Variants in DLGAP1 observed in about 807,000 individuals in gnomAD.
DLGAP1 encodes the protein disks large-associated protein 1.
DLGAP1 carries 11 observed loss-of-function variants against 90.8 expected under a neutral mutation model. The ratio of observed to expected loss-of-function variants is 0.12; its 90% CI spans 0.08 to 0.20. The LOEUF (loss-of-function observed/expected upper bound fraction) is 0.20, where lower values mean the gene tolerates loss of function less well. Ranked by LOEUF, DLGAP1 falls within the 10% of genes least tolerant of loss-of-function variation. DLGAP1 has a pLI of 1.00. For synonymous variants in DLGAP1, 558 were observed against 540.7 expected (o/e 1.03, Z -0.44); for missense variants, 1,050 against 1,333.8 (o/e 0.79, Z 3.31).
intron 3 of DLGAP1, among the ~76,000 whole-genome samples, chr18:3,881,957 A>AT (rs2071183786): frequency 6.6e-6 from 1 of 152,192 alleles, no homozygotes; most frequent in Admixed American, 6.5e-5. Context: ...ATAGAAGCCA[A>AT]TGGCACCTCG....
At chr18:4,373,013 A>G (rs1433370716) in intron 1 of DLGAP1, among the ~76,000 whole-genome samples, 1 of 152,194 alleles carries the variant, frequency 6.6e-6, no homozygotes, top group Non-Finnish European at 1.5e-5. Context: ...ATAACTGTGT[A>G]CAGCTGAGGC....
rs1568109395 is a variant in DLGAP1 at position 3,772,384 on chromosome 18, CTTTCTT to C, written c.1173-29878_1173-29873del. 1.4e-3 allele frequency among the ~76,000 whole-genome samples: 29 copies of C among 20,416 alleles called. 3 individuals carry two copies. The highest frequency in any genetic ancestry group is 3.0e-3 in the Admixed American group (4 of 1,344). The allele number at this position is 20,416 out of a possible 152,430, so 13.4% of individuals were successfully genotyped here. Reference sequence around the variant, plus strand: ...TCTTTCTTTCTTTCTTTCTTTCTTTCTTTCTTTCTTTCTTTCTTTCTTTCTCTTTCT... The same window carrying C: ...TCTTTCTTTCTTTCTTTCTTTCTTTCTCTTTCTTTCTTTCTTTCTCTTTCT... On this transcript the variant is annotated intron_variant, in intron 5 of 12. Coordinates refer to ENST00000315677, the MANE Select transcript of DLGAP1 (RefSeq NM_004746.4).
At chr18:3,541,201 A>C (rs1328960339) in intron 9 of DLGAP1, among the ~76,000 whole-genome samples, 1 of 152,136 alleles carries the variant, frequency 6.6e-6, no homozygotes, top group Admixed American at 6.6e-5. Flanking sequence ...TCTGCACACT[A>C]AGTTATTTTG....
intron 2 of DLGAP1, among the ~76,000 whole-genome samples, chr18:4,089,902 A>G (rs971440719): frequency 1.9e-4 from 29 of 152,278 alleles, no homozygotes; most frequent in East Asian, 9.7e-4. Flanking sequence ...AAAATTAGCC[A>G]GGTGCGGTGG....
At chr18:4,449,181 G>A (rs1359149248) in intron 1 of DLGAP1, among the ~76,000 whole-genome samples, 1 of 152,200 alleles carries the variant, frequency 6.6e-6, no homozygotes, top group Non-Finnish European at 1.5e-5. Context: ...GCCTTAAAGG[G>A]TCAGAATAAA....
chr18:4,303,209 A>C (rs2080168838), intron 1 of DLGAP1, among the ~76,000 whole-genome samples: 1 of 152,232 alleles, frequency 6.6e-6, no homozygotes, highest in Non-Finnish European at 1.5e-5. Flanking sequence ...GCTCTGGAAA[A>C]GAATGTGTGG....
intron 5 of DLGAP1, among the ~76,000 whole-genome samples, chr18:3,760,209 A>G (rs192720926): frequency 1.2e-3 from 187 of 152,230 alleles, no homozygotes; most frequent in Non-Finnish European, 2.3e-3. Context: ...AGCCTGGCCA[A>G]GACATTGTGA....
intron 1 of DLGAP1, among the ~76,000 whole-genome samples, chr18:4,225,080 G>A (rs147955606): frequency 3.2e-4 from 48 of 152,172 alleles, no homozygotes; most frequent in Non-Finnish European, 4.0e-4. Context: ...GCTCTGCCTG[G>A]TAATCCAGAA....
chr18:4,130,717 C>A (rs745808210), intron 2 of DLGAP1, among the ~76,000 whole-genome samples: 1 of 151,998 alleles, frequency 6.6e-6, no homozygotes, highest in Non-Finnish European at 1.5e-5. Flanking sequence ...CGGCACATTG[C>A]GACTAATGTC....
At chr18:3,822,104 C>CAA (rs2067454137) in intron 4 of DLGAP1, 1 of 612,138 alleles carries the variant, frequency 1.6e-6, no homozygotes, top group African/African-American at 2.0e-5. Context: ...TGTTGCTTCC[C>CAA]AATCAGGAGA....
intron 2 of DLGAP1, among the ~76,000 whole-genome samples, chr18:4,123,139 T>C (rs1432828592): frequency 6.6e-6 from 1 of 152,118 alleles, no homozygotes; most frequent in East Asian, 1.9e-4. Flanking sequence ...TTCTCCCTCA[T>C]GGGCATCAAC....
At chr18:3,587,130 C>T (rs2145480095) in intron 7 of DLGAP1, among the ~76,000 whole-genome samples, 1 of 152,316 alleles carries the variant, frequency 6.6e-6, no homozygotes, top group Non-Finnish European at 1.5e-5. Context: ...TCTCGGCTCA[C>T]TGCAACCTCT....
chr18:4,117,691 C>G (rs60252272), intron 2 of DLGAP1, among the ~76,000 whole-genome samples: 16,198 of 152,158 alleles, frequency 0.11, 2,768 homozygotes, highest in African/African-American at 0.36. Context: ...CATTTTGTGA[C>G]GGACTACTAG....
chr18:4,442,157 A>G (rs1455286031), intron 1 of DLGAP1, among the ~76,000 whole-genome samples: 1 of 151,856 alleles, frequency 6.6e-6, no homozygotes, highest in East Asian at 1.9e-4. Flanking sequence ...ATGCCGGGAT[A>G]TTTTTTTATT....
chr18:4,083,030 GCTATGATC>G (rs1369984186), intron 2 of DLGAP1, among the ~76,000 whole-genome samples: 1 of 152,064 alleles, frequency 6.6e-6, no homozygotes, highest in Non-Finnish European at 1.5e-5. Context: ...GCCGTTTCAG[GCTATGATC>G]CCCCAAAGGT....
intron 3 of DLGAP1, among the ~76,000 whole-genome samples, chr18:3,903,420 T>C (rs917721482): frequency 6.6e-6 from 1 of 152,234 alleles, no homozygotes; most frequent in Non-Finnish European, 1.5e-5. Flanking sequence ...CCCTCCATTT[T>C]AGAAGCAGGA....
At chr18:3,839,206 T>C (rs924585214) in intron 4 of DLGAP1, among the ~76,000 whole-genome samples, 3 of 152,222 alleles carry the variant, frequency 2.0e-5, no homozygotes, top group South Asian at 4.1e-4. Context: ...ATTAATGAAT[T>C]AATTCATCAA....
At chr18:4,129,470 G>A (rs1026671937) in intron 2 of DLGAP1, among the ~76,000 whole-genome samples, 1 of 152,122 alleles carries the variant, frequency 6.6e-6, no homozygotes, top group South Asian at 2.1e-4. Context: ...GAAGGAGAGG[G>A]TGGGAAATCG....
chr18:4,155,226 T>C (rs2076736598), intron 1 of DLGAP1, among the ~76,000 whole-genome samples: 1 of 152,066 alleles, frequency 6.6e-6, no homozygotes, highest in Non-Finnish European at 1.5e-5. Flanking sequence ...AGTCATGGGA[T>C]GGAGTGAAGT....
Sources: allele counts gnomAD v4.1 joint callset (sites outside exome capture counted in the v4.1 genomes callset), GRCh38; gene constraint gnomAD v4.1.1; transcripts MANE v1.5; gene names NCBI Gene and HGNC (gene_info 2026-07-23, HGNC 2026-07-21).